The following GMDS variants were observed in gnomAD, a reference collection of about 807,000 sequenced individuals.
The protein encoded by GMDS is GDP-mannose 4,6-dehydratase.
GMDS carries 20 observed loss-of-function variants against 49.9 expected under a neutral mutation model. The observed-to-expected ratio is 0.40, with a 90% CI of 0.28 to 0.58. The LOEUF is 0.58. Among genes scored for constraint, GMDS ranks in the 20% least tolerant of loss-of-function variants. The pLI is 0.42. For missense variants in GMDS, 362 were observed against 481.4 expected, an observed-to-expected ratio of 0.75 and a Z score of 2.32; for synonymous variants, 177 against 178.6, an observed-to-expected ratio of 0.99 and a Z score of 0.07.
chr6:1,798,648 T>A (rs1454747373), intron 7 of GMDS, among the ~76,000 whole-genome samples: 1 of 152,198 alleles, frequency 6.6e-6, no homozygotes, highest in East Asian at 1.9e-4. Flanking sequence ...GCAGAAGCCA[T>A]CCCTTCTCTT....
intron 9 of GMDS, among the ~76,000 whole-genome samples, chr6:1,628,628 C>T (rs755674583): frequency 5.3e-5 from 8 of 152,186 alleles, no homozygotes; most frequent in Non-Finnish European, 1.0e-4. Context: ...ATAAGGTTTG[C>T]AAAGAACATC....
At chr6:2,027,790 G>A (rs1192860181) in intron 4 of GMDS, among the ~76,000 whole-genome samples, 3 of 151,938 alleles carry the variant, frequency 2.0e-5, no homozygotes, top group South Asian at 2.1e-4. Flanking sequence ...TATTTTTAAC[G>A]GAAAGTAAAA....
intron 7 of GMDS, among the ~76,000 whole-genome samples, chr6:1,803,455 G>T (rs1044735438): frequency 1.3e-5 from 2 of 151,638 alleles, no homozygotes; most frequent in Admixed American, 1.3e-4. Flanking sequence ...ATCTCTTTCA[G>T]CGAGCAGCCC....
chr6:2,045,805 G>C (rs1769974549), intron 4 of GMDS, among the ~76,000 whole-genome samples: 1 of 152,064 alleles, frequency 6.6e-6, no homozygotes, highest in Non-Finnish European at 1.5e-5. Context: ...TTTACTATGA[G>C]CTTAATTTCA....
chr6:1,998,084 A>G (rs1362428376), intron 4 of GMDS, among the ~76,000 whole-genome samples: 1 of 152,182 alleles, frequency 6.6e-6, no homozygotes, highest in Non-Finnish European at 1.5e-5. Flanking sequence ...ACAAATAAAC[A>G]TCGGGGAAGA....
At chr6:2,126,786 A>G (rs1775472998) in intron 1 of GMDS, among the ~76,000 whole-genome samples, 1 of 152,124 alleles carries the variant, frequency 6.6e-6, no homozygotes, top group Non-Finnish European at 1.5e-5. Context: ...GGTGCGTGCC[A>G]CCACCCCTAG....
intron 9 of GMDS, among the ~76,000 whole-genome samples, chr6:1,703,371 T>A (rs927658452): frequency 6.6e-6 from 1 of 151,854 alleles, no homozygotes; most frequent in African/African-American, 2.4e-5. Context: ...CTTTCTTATC[T>A]CCAGTTCCAC....
chr6:2,137,649 A>C (rs1297734320), intron 1 of GMDS, among the ~76,000 whole-genome samples: 2 of 152,146 alleles, frequency 1.3e-5, no homozygotes, highest in Non-Finnish European at 2.9e-5. Context: ...TCCCTTTTTA[A>C]GTACTGAATA....
intron 6 of GMDS, among the ~76,000 whole-genome samples, chr6:1,954,933 G>A (rs1432588549): frequency 6.6e-6 from 1 of 152,038 alleles, no homozygotes; most frequent in Admixed American, 6.6e-5. Flanking sequence ...TGTCTTTTAT[G>A]GGTGCAGTTC....
intron 7 of GMDS, among the ~76,000 whole-genome samples, chr6:1,879,072 T>C (rs148440405): frequency 6.6e-5 from 10 of 152,330 alleles, no homozygotes; most frequent in Non-Finnish European, 8.8e-5. Flanking sequence ...ATTTTTCAAA[T>C]AGTTGCTAAA....
At chr6:2,082,049 T>C (rs886660252) in intron 4 of GMDS, among the ~76,000 whole-genome samples, 8 of 152,202 alleles carry the variant, frequency 5.3e-5, no homozygotes, top group Non-Finnish European at 1.0e-4. Context: ...TCTTACATGA[T>C]GGAACACTAT....
intron 7 of GMDS, among the ~76,000 whole-genome samples, chr6:1,914,646 A>C (rs1196415339): frequency 6.6e-6 from 1 of 152,110 alleles, no homozygotes; most frequent in African/African-American, 2.4e-5. Context: ...CCTGTGCTCC[A>C]AGTTCCCAAG....
At chr6:2,071,779 A>G (rs1484215054) in intron 4 of GMDS, among the ~76,000 whole-genome samples, 1 of 152,166 alleles carries the variant, frequency 6.6e-6, no homozygotes, top group East Asian at 1.9e-4. Context: ...CTAAGATAGC[A>G]AAAAGGCAAA....
At chr6:1,860,089 C>G (rs953577251) in intron 7 of GMDS, among the ~76,000 whole-genome samples, 2 of 151,802 alleles carry the variant, frequency 1.3e-5, no homozygotes, top group African/African-American at 2.4e-5. Context: ...AAAACAAAAC[C>G]CTATATAACA....
At chr6:1,961,805 G>A (rs557329168) in intron 4 of GMDS, among the ~76,000 whole-genome samples, 1 of 152,302 alleles carries the variant, frequency 6.6e-6, no homozygotes, top group Admixed American at 6.5e-5. Context: ...ACCCCTTTGA[G>A]GGGTAAGGTC....
intron 4 of GMDS, among the ~76,000 whole-genome samples, chr6:2,042,153 GC>G (rs1035595976): frequency 7.2e-5 from 11 of 152,298 alleles, no homozygotes; most frequent in Admixed American, 6.5e-5. Flanking sequence ...TTTTAAGTTT[GC>G]TTGCTTGAAA....
intron 7 of GMDS, among the ~76,000 whole-genome samples, chr6:1,859,400 A>C (rs1561850054): frequency 6.6e-6 from 1 of 152,168 alleles, no homozygotes; most frequent in Non-Finnish European, 1.5e-5. Context: ...AGTTTGTTGG[A>C]TGAAAAAAAG....
At chr6:1,655,476 T>C (rs994343472) in intron 9 of GMDS, among the ~76,000 whole-genome samples, 3 of 81,086 alleles carry the variant, frequency 3.7e-5, no homozygotes, top group African/African-American at 8.3e-5. Flanking sequence ...TTGAAAGCCT[T>C]ACACACACAC....
intron 7 of GMDS, among the ~76,000 whole-genome samples, chr6:1,870,201 T>A (rs758195529): frequency 2.0e-4 from 30 of 152,326 alleles, no homozygotes; most frequent in Middle Eastern, 6.8e-3. Context: ...TCCTTGCTCC[T>A]CAGTGCTGGA....
Sources: allele counts gnomAD v4.1 joint callset (sites outside exome capture counted in the v4.1 genomes callset), GRCh38; gene constraint gnomAD v4.1.1; transcripts MANE v1.5; gene names NCBI Gene and HGNC (gene_info 2026-07-23, HGNC 2026-07-21).